The following DNER variants were observed in gnomAD, a reference collection of about 807,000 sequenced individuals.
DNER encodes the protein delta/notch like EGF repeat containing.
In DNER, 33 loss-of-function variants were observed where a neutral mutation model predicts 78.2. That is an observed-to-expected ratio of 0.42 (90% confidence interval 0.32 to 0.56). The LOEUF (loss-of-function observed/expected upper bound fraction) is 0.56, where lower values mean the gene tolerates loss of function less well. Among genes scored for constraint, DNER ranks in the 20% least tolerant of loss-of-function variants. DNER has a pLI of 0.11. For missense variants in DNER, 918 were observed against 975.3 expected (o/e 0.94, Z 0.78); for synonymous variants, 417 against 384.8 (o/e 1.08, Z -0.98).
At position 229,662,777 on chromosome 2, in the gene DNER, C is replaced by A. The variant is rs533148909; in HGVS notation, c.276+51371G>T. 2.0e-5 allele frequency among the ~76,000 whole-genome samples: 3 copies of A among 152,342 alleles called. No homozygotes were observed. The East Asian group carries it at 5.8e-4, about 29-fold the overall frequency. The stretch of plus-strand genomic sequence containing the variant: ...ATTTGAGCAACCAAGCTCCCCAAAT[C>A]TGCAAAGTGGGATGCAAAAGTGAAT... On this transcript the variant is annotated intron_variant, in intron 1 of 12. Coordinates refer to ENST00000341772, the MANE Select transcript of DNER (RefSeq NM_139072.4).
In DNER at chr2:229,591,922, C is replaced by T. The variant is rs1312546981; in HGVS notation, c.277-34G>A. 3 of 1,468,296 alleles carry T rather than the reference C, an allele frequency of 2.0e-6. No individual in the cohort carries two copies. Among genetic ancestry groups the T allele is most frequent in the Non-Finnish European group, 2.7e-6 (3 of 1,113,310 alleles). 91.0% of individuals were successfully genotyped at this position (1,468,296 alleles called of 1,614,324 possible). On this transcript the variant is annotated intron_variant, in intron 1 of 12. Transcript: ENST00000341772. This position sits in a 1 kb window ranked among gnomAD's most constrained non-coding sequence, Gnocchi z 4.6. ...AGACCATAAATGGGTCAATTATTCC[C>T]TCATAAGAAAAGTGGTGCCATCGCT...
At position 229,547,001 on chromosome 2, in the gene DNER, G is replaced by A. The variant is rs551240966; in HGVS notation, c.939C>T (p.His313=). The part of the protein sequence containing the change: ...KVSTCVPGES[H]ANDLECSGKG... ...TTCCTGAACACTCCAAGTCATTTGCGTGACTCTCCCCCGGCACACAGGTGC... is the reference window on the plus strand; with the variant it reads ...TTCCTGAACACTCCAAGTCATTTGCATGACTCTCCCCCGGCACACAGGTGC... The change falls in exon 5 of 13, where the codon CAC becomes CAT. Residue 313 remains histidine, a synonymous_variant. Coordinates refer to ENST00000341772, the MANE Select transcript of DNER (RefSeq NM_139072.4). The A allele has an allele frequency of 2.7e-5, 44 of 1,613,982 alleles. No homozygotes were observed. The Middle Eastern group carries it at 4.9e-4, about 18-fold the overall frequency.
intron 1 of DNER, among the ~76,000 whole-genome samples, chr2:229,686,936 C>T (rs1372601584): frequency 6.6e-6 from 1 of 152,194 alleles, no homozygotes; most frequent in Non-Finnish European, 1.5e-5. Flanking sequence ...AAAATCTTTA[C>T]ATAACTTAAA....
chr2:229,683,269 C>T (rs1221839182), intron 1 of DNER, among the ~76,000 whole-genome samples: 1 of 152,086 alleles, frequency 6.6e-6, no homozygotes, highest in Non-Finnish European at 1.5e-5. Context: ...CAGCAGATTT[C>T]GTAATTTGTC....
At position 229,376,470 on chromosome 2, in the gene DNER, C is replaced by G. The variant is rs574359906; in HGVS notation, c.1856-9351G>C. Among the ~76,000 whole-genome samples the G allele has an allele frequency of 5.9e-5, 9 of 152,244 alleles. No homozygotes were observed. The South Asian group carries it at 1.9e-3, about 32-fold the overall frequency. On this transcript the variant is annotated intron_variant, in intron 11 of 12. Coordinates refer to ENST00000341772, the MANE Select transcript of DNER (RefSeq NM_139072.4). The stretch of plus-strand genomic sequence containing the variant: ...AGGTATTTTGTTATAGTATCCCAAG[C>G]AAACTAAGACAGGTGCATATATAGA...
intron 6 of DNER, among the ~76,000 whole-genome samples, chr2:229,478,392 C>T (rs1418066451): frequency 2.0e-4 from 31 of 152,192 alleles, no homozygotes; most frequent in Admixed American, 2.0e-3. Flanking sequence ...GCTTCAATTA[C>T]CTGCCAAATA....
chr2:229,436,742 A>G (rs897447771), intron 8 of DNER, among the ~76,000 whole-genome samples: 2 of 152,334 alleles, frequency 1.3e-5, no homozygotes, highest in African/African-American at 4.8e-5. Context: ...TGAACAAGCA[A>G]ATGTTAGGGG....
At chr2:229,641,897 G>A (rs1052075178) in intron 1 of DNER, among the ~76,000 whole-genome samples, 5 of 152,004 alleles carry the variant, frequency 3.3e-5, no homozygotes, top group Admixed American at 6.6e-5. Context: ...GGTATGCCCC[G>A]TGAAATCAAA....
chr2:229,672,516 G>A (rs1699227048), intron 1 of DNER, among the ~76,000 whole-genome samples: 1 of 151,178 alleles, frequency 6.6e-6, no homozygotes, highest in South Asian at 2.1e-4. Flanking sequence ...GGGGAGAGAG[G>A]GAAAGACAGA....
intron 1 of DNER, among the ~76,000 whole-genome samples, chr2:229,595,655 C>G (rs929961325): frequency 6.6e-6 from 1 of 152,162 alleles, no homozygotes; most frequent in African/African-American, 2.4e-5. Context: ...ACCTCCTGCC[C>G]CTGACCTCCC....
intron 7 of DNER, among the ~76,000 whole-genome samples, chr2:229,466,255 G>A (rs1694802950): frequency 6.6e-6 from 1 of 152,072 alleles, no homozygotes; most frequent in Admixed American, 6.6e-5. Flanking sequence ...CTAGCCTTCT[G>A]TCTTCCCTCC....
At chr2:229,430,541 A>C (rs1444212783) in intron 8 of DNER, among the ~76,000 whole-genome samples, 1 of 152,104 alleles carries the variant, frequency 6.6e-6, no homozygotes, top group Non-Finnish European at 1.5e-5. Flanking sequence ...CCCAGCCTAC[A>C]TCTTTCTCCC....
At chr2:229,615,751 C>T (rs1698147362) in intron 1 of DNER, among the ~76,000 whole-genome samples, 1 of 151,770 alleles carries the variant, frequency 6.6e-6, no homozygotes, top group Non-Finnish European at 1.5e-5. Context: ...GACAAAGTGT[C>T]ACATTTCTGT....
At chr2:229,689,535 A>T (rs1699534925) in intron 1 of DNER, among the ~76,000 whole-genome samples, 1 of 152,210 alleles carries the variant, frequency 6.6e-6, no homozygotes, top group Non-Finnish European at 1.5e-5. Flanking sequence ...TCAGAAAAAA[A>T]AATATGTTTA....
intron 11 of DNER, among the ~76,000 whole-genome samples, chr2:229,373,105 C>G (rs780760245): frequency 1.3e-5 from 2 of 151,984 alleles, no homozygotes; most frequent in Non-Finnish European, 2.9e-5. Context: ...ACAAGTGAGA[C>G]CTAATTAAAC....
At chr2:229,464,657 T>C (rs1173312723) in intron 7 of DNER, among the ~76,000 whole-genome samples, 1 of 152,084 alleles carries the variant, frequency 6.6e-6, no homozygotes, top group Non-Finnish European at 1.5e-5. Context: ...GACTTTCCAT[T>C]CTAGTGAGGA....
At chr2:229,617,202 GATTCC>G (rs1698181863) in intron 1 of DNER, among the ~76,000 whole-genome samples, 4 of 152,238 alleles carry the variant, frequency 2.6e-5, no homozygotes, top group African/African-American at 9.6e-5. Flanking sequence ...TCCCTTTCTT[GATTCC>G]ATAACAGTAA....
chr2:229,554,616 C>T (rs1393540166), intron 4 of DNER, among the ~76,000 whole-genome samples: 6 of 152,020 alleles, frequency 3.9e-5, no homozygotes, highest in Non-Finnish European at 1.5e-5. Context: ...TGCTTGAACC[C>T]GGGAGGTGAT....
chr2:229,602,140 A>G lies in DNER; in HGVS notation c.277-10252T>C, dbSNP rs979316387. Among the ~76,000 whole-genome samples the G allele has an allele frequency of 6.6e-5, 10 of 152,228 alleles. No homozygotes were observed. The South Asian group carries it at 1.2e-3, about 19-fold the overall frequency. ...TATCAAACTTTTTTACAAAACCACA[A>G]TGCCATCAATACAGGAAATATGTCG... On this transcript the variant is annotated intron_variant, in intron 1 of 12. Coordinates refer to ENST00000341772, the MANE Select transcript of DNER (RefSeq NM_139072.4).
Sources: gnomAD v4.1 joint callset for allele counts (sites outside exome capture counted in the v4.1 genomes callset) on GRCh38, gnomAD v4.1.1 for gene constraint, Gnocchi (gnomAD v3.1) non-coding constraint, MANE v1.5 for transcripts, NCBI Gene and HGNC (gene_info 2026-07-23, HGNC 2026-07-21) for gene names.